FBXO28: variants seen among roughly 807,000 people sequenced by gnomAD.
The protein encoded by FBXO28 is F-box protein 28.
Under a neutral mutation model 38.1 loss-of-function variants are expected in FBXO28, and 8 were observed. That is an observed-to-expected ratio of 0.21 (90% CI 0.12 to 0.38). The LOEUF is 0.38. FBXO28 is among the 10% of genes least tolerant of loss of function. FBXO28 has a pLI of 1.00. For missense variants in FBXO28, 345 were observed against 460.6 expected (o/e 0.75, Z 2.30); for synonymous variants, 168 against 173.8 (o/e 0.97, Z 0.26).
chr1:224,134,618 G>A (rs989332335), intron 3 of FBXO28, among the ~76,000 whole-genome samples: 5 of 152,110 alleles, frequency 3.3e-5, no homozygotes, highest in African/African-American at 9.7e-5. Context: ...GTTTCATAAC[G>A]ACAACTTTAT....
At chr1:224,127,892 G>T (rs749872134) in intron 1 of FBXO28, among the ~76,000 whole-genome samples, 3 of 152,194 alleles carry the variant, frequency 2.0e-5, no homozygotes, top group Admixed American at 1.3e-4. Context: ...GGGTGACAGC[G>T]AAACTCTGTC....
intron 1 of FBXO28, 65 bp downstream of exon 1, chr1:224,114,461 AGCGCGTTCCCCGG>A: frequency 3.2e-6 from 4 of 1,246,686 alleles, no homozygotes; most frequent in African/African-American, 1.6e-5. Flanking sequence ...ATGAGAAGGG[AGCGCGTTCCCCGG>A]GAAGGGAGCC....
intron 1 of FBXO28, among the ~76,000 whole-genome samples, chr1:224,122,827 A>G (rs1008912666): frequency 1.3e-5 from 2 of 152,192 alleles, no homozygotes; most frequent in Non-Finnish European, 2.9e-5. Flanking sequence ...ATGTCCTTAA[A>G]AATCCCTTAT....
intron 1 of FBXO28, among the ~76,000 whole-genome samples, chr1:224,126,621 C>A (rs1656909617): frequency 6.6e-6 from 1 of 152,104 alleles, no homozygotes; most frequent in Non-Finnish European, 1.5e-5. Context: ...TCCAGACCAG[C>A]CTAACCAACA....
chr1:224,127,210 T>TG (rs1558188492), intron 1 of FBXO28, among the ~76,000 whole-genome samples: 11 of 138,652 alleles, frequency 7.9e-5, no homozygotes, highest in South Asian at 2.3e-4. Flanking sequence ...GTGTGTGTGT[T>TG]TATGTTTGGC....
rs1657815834 is a variant in FBXO28, at chr1:224,158,200, A to G, written c.*454A>G. The G allele has an allele frequency of 3.0e-6, 3 of 987,300 alleles. No individual in the cohort carries two copies. Among genetic ancestry groups the G allele is most frequent in the Non-Finnish European group, 3.6e-6 (3 of 831,146 alleles). The allele number at this position is 987,300 out of a possible 1,614,324, so 61.2% of individuals were successfully genotyped here. ...TTTTTTTAAGTCATCTTTTTGTTAT[A>G]AGTGACCTTTGTCTGGAATGTCTGA... On this transcript the variant is annotated 3_prime_UTR_variant, in exon 5 of 5. Coordinates refer to ENST00000366862, the MANE Select transcript of FBXO28 (RefSeq NM_015176.4).
chr1:224,127,425 C>A (rs1398846207), intron 1 of FBXO28, among the ~76,000 whole-genome samples: 1 of 151,942 alleles, frequency 6.6e-6, no homozygotes, highest in Non-Finnish European at 1.5e-5. Flanking sequence ...AACCACATAT[C>A]AAAAAGCCTT....
intron 3 of FBXO28, among the ~76,000 whole-genome samples, chr1:224,142,321 C>A (rs1303622372): frequency 1.3e-5 from 2 of 148,984 alleles, no homozygotes; most frequent in Non-Finnish European, 3.0e-5. Flanking sequence ...CATTGCATTC[C>A]AGCTTGGGCG....
rs67458349 is a variant in FBXO28, at chr1:224,119,135, C to CTTTTTTTTT, written c.267+4749_267+4757dup. Among the ~76,000 whole-genome samples, 18 of 109,918 alleles carry CTTTTTTTTT rather than the reference C, an allele frequency of 1.6e-4. 4 individuals carry two copies. Among genetic ancestry groups the CTTTTTTTTT allele is most frequent in the South Asian group, 2.9e-4 (1 of 3,418 alleles). The allele number at this position is 109,918 out of a possible 152,430, so 72.1% of individuals were successfully genotyped here. A position where few individuals can be genotyped will look rare whatever the true frequency, so the allele number is the denominator to read the frequency against. On this transcript the variant is annotated intron_variant, in intron 1 of 4. Coordinates refer to ENST00000366862, the MANE Select transcript of FBXO28 (RefSeq NM_015176.4). ...CTCTTGCTGATTTTTTCTTTTTTTT[C>CTTTTTTTTT]TTTTTTTTTTTTTTTTTTGACGGAA...
chr1:224,135,627 A>AAAG (rs1553290005), intron 3 of FBXO28, among the ~76,000 whole-genome samples: 1 of 146,694 alleles, frequency 6.8e-6, no homozygotes, highest in Non-Finnish European at 1.5e-5. Context: ...AAAAAAAAAA[A>AAAG]AAAAAAAAGA....
rs1375140178 is a variant in FBXO28, at chr1:224,151,909, GCACAT to G, written c.517-1232_517-1228del. 3.5e-4 allele frequency among the ~76,000 whole-genome samples: 53 copies of G among 152,098 alleles called. 1 individual carries two copies. The highest frequency in any genetic ancestry group is 1.2e-3 in the African/African-American group (48 of 41,484). ...AATACAAAATTAGCCAGGTGTGGTG[GCACAT>G]GTCTGTAATCCCAGCTACTTGGGAG... On this transcript the variant is annotated intron_variant, in intron 3 of 4. Transcript: ENST00000366862.
intron 1 of FBXO28, among the ~76,000 whole-genome samples, chr1:224,118,156 G>A (rs991971570): frequency 6.6e-6 from 1 of 151,914 alleles, no homozygotes; most frequent in African/African-American, 2.4e-5. Flanking sequence ...TGTTGCCCAG[G>A]CTGGTCTTAA....
At chr1:224,152,909 G>A (rs1231463498) in intron 3 of FBXO28, among the ~76,000 whole-genome samples, 1 of 122,862 alleles carries the variant, frequency 8.1e-6, no homozygotes, top group East Asian at 2.6e-4. Flanking sequence ...CTTGGGCAAC[G>A]AGTGAAACTC....
chr1:224,143,914 G>A (rs1657433142), intron 3 of FBXO28, among the ~76,000 whole-genome samples: 2 of 150,618 alleles, frequency 1.3e-5, no homozygotes, highest in South Asian at 4.2e-4. Flanking sequence ...GGGAGGCTGA[G>A]GCGGGTGGAT....
At chr1:224,142,521 G>GA (rs1021186903) in intron 3 of FBXO28, among the ~76,000 whole-genome samples, 2 of 149,674 alleles carry the variant, frequency 1.3e-5, no homozygotes, top group African/African-American at 2.5e-5. Context: ...ATATTGATGA[G>GA]AAAAAAAAAT....
At chr1:224,139,105 C>G (rs942682290) in intron 3 of FBXO28, among the ~76,000 whole-genome samples, 2 of 151,724 alleles carry the variant, frequency 1.3e-5, no homozygotes, top group African/African-American at 4.9e-5. Context: ...TTAACTGTCA[C>G]TAGTAGCCCT....
At position 224,157,365 on chromosome 1, in the gene FBXO28, T is replaced by C. The variant is rs189250147; in HGVS notation, c.726T>C (p.Ser242=). Residue 242 remains serine (S), a synonymous_variant, in exon 5 of 5, where the codon TCT becomes TCC. Coordinates refer to ENST00000366862, the MANE Select transcript of FBXO28 (RefSeq NM_015176.4). ...ATTCCTCCACAGTTCCAGGACCGTC[T>C]GCAGCCCTAACAACAATGCAGCTCT... ...LMGSPPVPGP[S]AALTTMQLFS... 2.6e-4 allele frequency: 412 copies of C among 1,609,386 alleles called. 3 individuals are homozygous for C. Among genetic ancestry groups the C allele is most frequent in the Middle Eastern group, 2.3e-3 (14 of 6,018 alleles).
rs935864073 is a variant in FBXO28, at chr1:224,114,128, A to T, written c.-2A>T. 8.5e-6 allele frequency: 13 copies of T among 1,538,216 alleles called. No individual in the cohort carries two copies. In the African/African-American group the frequency reaches 1.8e-4, roughly 21 times the overall value. On this transcript the variant is annotated 5_prime_UTR_variant, in exon 1 of 5. In the 5' UTR this introduces an upstream ATG that the reference lacks. Transcript: ENST00000366862. ...GTGGGGGTAAGGAATCAAGCCCCCAAGATGGCGGCAGCGGCGGAGGAGCGG... is the reference window on the plus strand; with the variant it reads ...GTGGGGGTAAGGAATCAAGCCCCCATGATGGCGGCAGCGGCGGAGGAGCGG...
chr1:224,147,988 A>G (rs1397685591), intron 3 of FBXO28, among the ~76,000 whole-genome samples: 2 of 152,192 alleles, frequency 1.3e-5, no homozygotes, highest in African/African-American at 4.8e-5. Flanking sequence ...ACTTTCCTTC[A>G]CCTTATCCTC....
Sources: gnomAD v4.1 joint callset for allele counts (sites outside exome capture counted in the v4.1 genomes callset) on GRCh38, gnomAD v4.1.1 for gene constraint, MANE v1.5 for transcripts, NCBI Gene and HGNC (gene_info 2026-07-23, HGNC 2026-07-21) for gene names.